USP7: variants seen among roughly 807,000 people sequenced by gnomAD.
USP7 encodes the protein ubiquitin specific peptidase 7.
A neutral mutation model predicts 162.9 loss-of-function variants in USP7; 9 were observed. The ratio of observed to expected loss-of-function variants is 0.06; its 90% CI spans 0.03 to 0.10. The LOEUF is 0.10. Ranked by LOEUF, USP7 falls within the 10% of genes least tolerant of loss-of-function variation. The probability of loss-of-function intolerance (pLI) is 1.00; values close to 1 mark genes in which losing one functional copy is unlikely to be tolerated. For synonymous variants in USP7, 562 were observed against 475.9 expected, an observed-to-expected ratio of 1.18 and a Z score of -2.35; for missense variants, 715 against 1,373.7, an observed-to-expected ratio of 0.52 and a Z score of 7.58.
rs770314625 is a variant in USP7 at position 8,921,116 on chromosome 16, G to C, written c.522+41C>G. 3 of 1,602,478 alleles carry C rather than the reference G, an allele frequency of 1.9e-6. No individual in the cohort carries two copies. In the South Asian group the frequency reaches 3.3e-5, roughly 18 times the overall value. On this transcript the variant is annotated intron_variant, in intron 4 of 30. Transcript: ENST00000344836. ...CAAAAAGTTAAGGGAACAACAAGCA[G>C]TAATGCACCAATTGTTCAGACTAAA...
intron 15 of USP7, 33 bp downstream of exon 15, chr16:8,904,402 G>A: frequency 6.2e-7 from 1 of 1,610,300 alleles, no homozygotes; most frequent in South Asian, 1.1e-5. Context: ...CGGCTGCATG[G>A]TGACCCGGAG....
chr16:8,918,603 A>G lies in USP7; in HGVS notation c.720+428T>C, dbSNP rs545465425. 2.6e-5 allele frequency among the ~76,000 whole-genome samples: 4 copies of G among 152,222 alleles called. No individual in the cohort carries two copies. The East Asian group carries it at 7.7e-4, about 29-fold the overall frequency. ...GGCAGGTGGATAGCTTGGGGTCAGGAGTTCGAGACCAGCCTGGACAACATG... is the reference window on the plus strand; with the variant it reads ...GGCAGGTGGATAGCTTGGGGTCAGGGGTTCGAGACCAGCCTGGACAACATG... On this transcript the variant is annotated intron_variant, in intron 6 of 30. Transcript: ENST00000344836.
At chr16:8,929,233 G>A in intron 2 of USP7, 1 of 330,284 alleles carries the variant, frequency 3.0e-6, no homozygotes, top group Non-Finnish European at 6.0e-6. Context: ...ACCGCTTTCG[G>A]CATCTCAGAT....
chr16:8,937,693 CA>C (rs1246593748), intron 1 of USP7, among the ~76,000 whole-genome samples: 10 of 151,260 alleles, frequency 6.6e-5, no homozygotes, highest in Admixed American at 5.9e-4. Context: ...AAATAGGCTA[CA>C]AAAAAAACAG....
intron 2 of USP7, among the ~76,000 whole-genome samples, chr16:8,924,275 C>T (rs1338154377): frequency 6.6e-6 from 1 of 152,244 alleles, no homozygotes; most frequent in Non-Finnish European, 1.5e-5. Context: ...ACAGTCCTCC[C>T]ACACCCACAC....
intron 1 of USP7, 81 bp from the exon 2 acceptor site, chr16:8,930,478 G>C: frequency 1.1e-6 from 1 of 940,956 alleles, no homozygotes; most frequent in Non-Finnish European, 1.5e-6. Context: ...TTATACTTTT[G>C]ATGTTGCCTA....
At chr16:8,925,711 C>T (rs1236523940) in intron 2 of USP7, among the ~76,000 whole-genome samples, 4 of 152,182 alleles carry the variant, frequency 2.6e-5, no homozygotes, top group Non-Finnish European at 4.4e-5. Flanking sequence ...ACAATTAGTG[C>T]ACTGCACACT....
At chr16:8,922,334 C>CA (rs577560490) in intron 3 of USP7, among the ~76,000 whole-genome samples, 2 of 152,308 alleles carry the variant, frequency 1.3e-5, no homozygotes, top group South Asian at 4.1e-4. Context: ...ATGAAAAATA[C>CA]AAAATTAGCT....
At chr16:8,910,562 C>T (rs901713515) in intron 11 of USP7, among the ~76,000 whole-genome samples, 183 bp downstream of exon 11, 1 of 152,128 alleles carries the variant, frequency 6.6e-6, no homozygotes, top group Non-Finnish European at 1.5e-5. Context: ...AAACCAGCTG[C>T]ACTCCATCTC....
intron 1 of USP7, among the ~76,000 whole-genome samples, chr16:8,950,493 C>G (rs74010342): frequency 0.016 from 2,451 of 152,252 alleles, 46 homozygotes; most frequent in East Asian, 0.071. Flanking sequence ...TCTTCCTCTC[C>G]AGACCCCTTA....
intron 1 of USP7, among the ~76,000 whole-genome samples, chr16:8,954,862 A>C (rs1179382552): frequency 6.6e-6 from 1 of 152,210 alleles, no homozygotes; most frequent in African/African-American, 2.4e-5. Flanking sequence ...CAGGAGGCTG[A>C]GGCGGGAGAA....
chr16:8,895,136 G>A lies in USP7; in HGVS notation c.2934C>T (p.Asp978=). 1 of 1,614,194 alleles carries A rather than the reference G, an allele frequency of 6.2e-7. No individual in the cohort carries two copies. The highest frequency in any genetic ancestry group is 8.5e-7 in the Non-Finnish European group (1 of 1,180,042). ...RTFRIEEIPL[D]QVDIDKENEM... Reference sequence around the variant, plus strand: ...CATTCTCTTTGTCTATGTCCACCTGGTCCAAAGGGATTTCCTGGGGACACG... The same window carrying A: ...CATTCTCTTTGTCTATGTCCACCTGATCCAAAGGGATTTCCTGGGGACACG... Residue 978 remains aspartate, a synonymous_variant, in exon 28 of 31, where the codon GAC becomes GAT. Transcript: ENST00000344836.
At position 8,892,667 on chromosome 16, in the gene USP7, A is replaced by C. The variant is rs1410159477; in HGVS notation, c.*1331T>G. On this transcript the variant is annotated 3_prime_UTR_variant, in exon 31 of 31. Coordinates refer to ENST00000344836, the MANE Select transcript of USP7 (RefSeq NM_003470.3). ...CCTGCCCCCGCAAAACGGAATTAGA[A>C]GGAAAAGTACATCTCAGTGAAACCT... 1.3e-5 allele frequency: 2 copies of C among 151,946 alleles called. No individual in the cohort carries two copies. Among genetic ancestry groups the C allele is most frequent in the East Asian group, 3.8e-4 (2 of 5,196 alleles). 9.4% of individuals were successfully genotyped at this position (151,946 alleles called of 1,614,324 possible).
At chr16:8,895,511 G>A in intron 27 of USP7, 131 bp downstream of exon 27, 1 of 852,954 alleles carries the variant, frequency 1.2e-6, no homozygotes, top group Non-Finnish European at 1.9e-6. Flanking sequence ...TCCACTCATG[G>A]AATCATATAC....
chr16:8,905,644 T>C (rs1041615851), intron 13 of USP7, among the ~76,000 whole-genome samples: 1 of 152,218 alleles, frequency 6.6e-6, no homozygotes, highest in African/African-American at 2.4e-5. Context: ...TTCAATCTAC[T>C]GACACTACCA....
At chr16:8,921,813 T>G (rs1203659259) in intron 3 of USP7, among the ~76,000 whole-genome samples, 2 of 152,208 alleles carry the variant, frequency 1.3e-5, no homozygotes, top group Non-Finnish European at 2.9e-5. Flanking sequence ...TGCAGTGAAG[T>G]GTGGGGTGGA....
intron 6 of USP7, among the ~76,000 whole-genome samples, chr16:8,918,640 C>A (rs1419230246): frequency 6.6e-6 from 1 of 152,052 alleles, no homozygotes; most frequent in Non-Finnish European, 1.5e-5. Flanking sequence ...TGAAACCCCG[C>A]CTCTACTAAA....
At chr16:8,902,360 T>A (rs1035042887) in intron 17 of USP7, 21 bp downstream of exon 17, 1 of 1,612,132 alleles carries the variant, frequency 6.2e-7, no homozygotes, top group African/African-American at 1.3e-5. Context: ...CCAAACCAGA[T>A]ACGCTATTAA....
At chr16:8,956,781 A>AC (rs1555472217) in intron 1 of USP7, among the ~76,000 whole-genome samples, 227 of 150,504 alleles carry the variant, frequency 1.5e-3, no homozygotes, top group East Asian at 9.4e-3. Context: ...AAAAACAAAA[A>AC]AAAAAAAACA....
Sources: gnomAD v4.1 joint callset for allele counts (sites outside exome capture counted in the v4.1 genomes callset) on GRCh38, gnomAD v4.1.1 for gene constraint, MANE v1.5 for transcripts, NCBI Gene and HGNC (gene_info 2026-07-23, HGNC 2026-07-21) for gene names.